CA2: variants seen among roughly 807,000 people sequenced by gnomAD.
CA2 encodes the protein carbonate dehydratase II.
In CA2, 23 loss-of-function variants were observed where a neutral mutation model predicts 27.8. The ratio of observed to expected loss-of-function variants is 0.83; its 90% confidence interval spans 0.59 to 1.17. The LOEUF is 1.17. Among genes scored for constraint, CA2 ranks in the 50% most tolerant of loss-of-function variants. The pLI is 0.00. For missense variants in CA2, 300 were observed against 314.7 expected (o/e 0.95, Z 0.35); for synonymous variants, 99 against 114.9 (o/e 0.86, Z 0.88).
In CA2 at chr8:85,474,347, C is replaced by G. The variant is rs577715833; in HGVS notation, c.375C>G (p.Thr125=). Residue 125 remains threonine, a synonymous_variant, in exon 4 of 7, where the codon ACC becomes ACG. Coordinates refer to ENST00000285379, the MANE Select transcript of CA2 (RefSeq NM_000067.3). The part of the protein sequence containing the change: ...AAELHLVHWN[T]KYGDFGKAVQ... The stretch of plus-strand genomic sequence containing the variant: ...AGCTTCACTTGGTTCACTGGAACAC[C>G]AAATATGGGGATTTTGGGAAAGCTG... 14 of 1,613,934 alleles carry G rather than the reference C, an allele frequency of 8.7e-6. No individual in the cohort carries two copies. Among genetic ancestry groups the G allele is most frequent in the Non-Finnish European group, 1.2e-5 (14 of 1,179,974 alleles).
chr8:85,475,564 T>C (rs566325180), intron 4 of CA2, among the ~76,000 whole-genome samples: 1 of 152,104 alleles, frequency 6.6e-6, no homozygotes, highest in African/African-American at 2.4e-5. Context: ...ACAATTGAGC[T>C]GGTGGTTTCA....
In CA2 at chr8:85,464,027, C is replaced by G. The variant is rs1292208446; in HGVS notation, c.-55C>G. 1 of 1,518,980 alleles carries G rather than the reference C, an allele frequency of 6.6e-7. No homozygotes were observed. Among genetic ancestry groups the G allele is most frequent in the East Asian group, 2.5e-5 (1 of 40,566 alleles). The allele number at this position is 1,518,980 out of a possible 1,614,324, so 94.1% of individuals were successfully genotyped here. On this transcript the variant is annotated 5_prime_UTR_variant, in exon 1 of 7. Coordinates refer to ENST00000285379, the MANE Select transcript of CA2 (RefSeq NM_000067.3). ...CGGACACACAGTGCAGGCGCCCAAG[C>G]CGCCGCCGCCAGATCGGTGCCGATT... is the stretch of plus-strand genomic sequence containing the variant.
At chr8:85,468,782 C>CCA (rs112532869) in intron 2 of CA2, among the ~76,000 whole-genome samples, 11,122 of 149,734 alleles carry the variant, frequency 0.074, 1,315 homozygotes, top group African/African-American at 0.25. Context: ...AAACAAAAAA[C>CCA]CACACACACA....
At position 85,471,733 on chromosome 8, in the gene CA2, G is replaced by T. The variant is rs556568472; in HGVS notation, c.233-1960G>T. Reference sequence around the variant, plus strand: ...GCTAGCTTTAAAGAGTTATTATAAAGGATTTTTTTCAGTATTAATTTATTT... The same window carrying T: ...GCTAGCTTTAAAGAGTTATTATAAATGATTTTTTTCAGTATTAATTTATTT... On this transcript the variant is annotated intron_variant, in intron 2 of 6. Transcript: ENST00000285379. Among the ~76,000 whole-genome samples, 254 of 151,386 alleles carry T rather than the reference G, an allele frequency of 1.7e-3. 1 individual carries two copies. Among genetic ancestry groups the T allele is most frequent in the African/African-American group, 6.0e-3 (250 of 41,332 alleles).
intron 3 of CA2, 59 bp downstream of exon 3, chr8:85,473,870 A>T (rs1345071324): frequency 5.2e-6 from 5 of 963,420 alleles, no homozygotes; most frequent in Admixed American, 3.4e-5. Flanking sequence ...GATATTTAGC[A>T]TTAATTTCAA....
rs1173332839 is a variant in CA2 at position 85,473,751 on chromosome 8, G to A, written c.291G>A (p.Trp97Ter). 2 of 1,612,986 alleles carry A rather than the reference G, an allele frequency of 1.2e-6. No homozygotes were observed. The highest frequency in any genetic ancestry group is 2.2e-5 in the South Asian group (2 of 91,046). ...TYRLIQFHFH[W>*]GSLDGQGSEH... ...GATTGATTCAGTTTCACTTTCACTG[G>A]GGTTCACTTGATGGACAAGGTTCAG... Residue 97 changes from tryptophan to a stop codon, truncating the protein, a stop_gained, in exon 3 of 7, where the codon TGG (tryptophan) becomes TGA (stop). Transcript: ENST00000285379. LOFTEE classifies it high-confidence loss of function.
At chr8:85,471,674 A>G (rs142339313) in intron 2 of CA2, among the ~76,000 whole-genome samples, 1 of 152,208 alleles carries the variant, frequency 6.6e-6, no homozygotes, top group East Asian at 1.9e-4. Context: ...GATTTGACAA[A>G]TGACATTTGC....
chr8:85,473,405 G>A (rs2130557533), intron 2 of CA2: 2 of 523,824 alleles, frequency 3.8e-6, no homozygotes, highest in South Asian at 3.1e-5. Context: ...GAATCAGTAT[G>A]CTCAGAAAGA....
chr8:85,464,150 C>G (rs1811579303), intron 1 of CA2, 35 bp downstream of exon 1: 5 of 1,244,972 alleles, frequency 4.0e-6, no homozygotes, highest in African/African-American at 1.5e-5. Flanking sequence ...GGGGGCGCCC[C>G]GATCCCCGAT....
chr8:85,469,818 G>T (rs531678208), intron 2 of CA2, among the ~76,000 whole-genome samples: 23 of 152,124 alleles, frequency 1.5e-4, no homozygotes, highest in Middle Eastern at 3.4e-3. Context: ...GTTATTTCAA[G>T]AAAAGAGTAA....
chr8:85,473,816 G>C lies in CA2; in HGVS notation c.351+5G>C. 1 of 1,435,164 alleles carries C rather than the reference G, an allele frequency of 7.0e-7. No individual in the cohort carries two copies. The highest frequency in any genetic ancestry group is 1.1e-5 in the South Asian group (1 of 87,336). 88.9% of individuals were successfully genotyped at this position (1,435,164 alleles called of 1,614,324 possible). On this transcript the variant is annotated splice_donor_5th_base_variant and intron_variant, in intron 3 of 6. Coordinates refer to ENST00000285379, the MANE Select transcript of CA2 (RefSeq NM_000067.3). Reference sequence around the variant, plus strand: ...AAAAAGAAATATGCTGCAGAAGTAAGATATACTTTTTTTTTTCTTTCCAGG... The same window carrying C: ...AAAAAGAAATATGCTGCAGAAGTAACATATACTTTTTTTTTTCTTTCCAGG...
chr8:85,468,438 C>T (rs1402371983), intron 2 of CA2, among the ~76,000 whole-genome samples: 2 of 152,224 alleles, frequency 1.3e-5, no homozygotes, highest in Middle Eastern at 3.2e-3. Flanking sequence ...AGAGAAAAGA[C>T]ATCTACAGAA....
chr8:85,464,523 C>G, intron 1 of CA2: 1 of 165,016 alleles, frequency 6.1e-6, no homozygotes, highest in South Asian at 1.9e-4. Context: ...AATTAAGAGA[C>G]TCCCCTCCCC....
At chr8:85,465,539 G>A in intron 2 of CA2, 70 bp downstream of exon 2, 1 of 1,240,796 alleles carries the variant, frequency 8.1e-7, no homozygotes, top group African/African-American at 1.5e-5. Context: ...GAAGGAGCCA[G>A]GAACAGTGGC....
intron 2 of CA2, among the ~76,000 whole-genome samples, chr8:85,467,644 C>T (rs1271685087): frequency 6.6e-6 from 1 of 152,156 alleles, no homozygotes; most frequent in East Asian, 1.9e-4. Context: ...CTGAAGCATA[C>T]TGTTTATCAT....
rs1811573380 is a variant in CA2, at chr8:85,464,019, C to G, written c.-63C>G. On this transcript the variant is annotated 5_prime_UTR_variant, in exon 1 of 7. Transcript: ENST00000285379. Reference sequence around the variant, plus strand: ...GCGACCCGCGGACACACAGTGCAGGCGCCCAAGCCGCCGCCGCCAGATCGG... The same window carrying G: ...GCGACCCGCGGACACACAGTGCAGGGGCCCAAGCCGCCGCCGCCAGATCGG... 6.6e-7 allele frequency: 1 copy of G among 1,511,836 alleles called. No individual in the cohort carries two copies. The highest frequency in any genetic ancestry group is 8.9e-7 in the Non-Finnish European group (1 of 1,122,978). The allele number at this position is 1,511,836 out of a possible 1,614,324, so 93.7% of individuals were successfully genotyped here.
At chr8:85,473,601 ATG>A (rs1161448933) in intron 2 of CA2, 90 bp from the exon 3 acceptor site, 2 of 719,094 alleles carry the variant, frequency 2.8e-6, no homozygotes, top group African/African-American at 3.5e-5. Flanking sequence ...CATGTGTTTC[ATG>A]TGTGTGTATG....
intron 2 of CA2, among the ~76,000 whole-genome samples, chr8:85,472,511 G>T (rs959498778): frequency 6.6e-6 from 1 of 151,998 alleles, no homozygotes; most frequent in African/African-American, 2.4e-5. Flanking sequence ...TACTGATTTT[G>T]CTTAATGCAG....
chr8:85,474,675 C>G, intron 4 of CA2: 1 of 480,124 alleles, frequency 2.1e-6, no homozygotes, highest in Non-Finnish European at 3.8e-6. Flanking sequence ...TGGGTGACTG[C>G]TAGGTGTTTG....
Sources: allele counts gnomAD v4.1 joint callset (sites outside exome capture counted in the v4.1 genomes callset), GRCh38; gene constraint gnomAD v4.1.1; transcripts MANE v1.5; gene names NCBI Gene and HGNC (gene_info 2026-07-23, HGNC 2026-07-21).